The following TSC2 variants were observed in gnomAD, a reference collection of about 807,000 sequenced individuals.
TSC2 encodes the protein TSC complex subunit 2, also known as tuberin.
A neutral mutation model predicts 202.2 loss-of-function variants in TSC2; 29 were observed. The ratio of observed to expected loss-of-function variants is 0.14; its 90% CI spans 0.11 to 0.20. TSC2 has a LOEUF of 0.20. TSC2 is among the 10% of genes least tolerant of loss of function. The pLI is 1.00. For missense variants in TSC2, 2,429 were observed against 2,420.0 expected, an observed-to-expected ratio of 1.00 and a Z score of -0.08; for synonymous variants, 1,349 against 1,044.0, an observed-to-expected ratio of 1.29 and a Z score of -5.63.
intron 25 of TSC2, 134 bp from the exon 26 acceptor site, chr16:2,077,463 TC>T (rs2089550812): frequency 7.4e-7 from 1 of 1,343,954 alleles, no homozygotes; most frequent in African/African-American, 1.4e-5. Context: ...CTCTTTTTGC[TC>T]ATCTCACCCG....
At position 2,088,685 on chromosome 16, in the gene TSC2, G is replaced by A. The variant is rs1270723400; in HGVS notation, c.*75G>A. 5 of 1,521,234 alleles carry A rather than the reference G, an allele frequency of 3.3e-6. No homozygotes were observed. The highest frequency in any genetic ancestry group is 1.7e-4 in the Middle Eastern group (1 of 5,896). The allele number at this position is 1,521,234 out of a possible 1,614,324, so 94.2% of individuals were successfully genotyped here. A position where few individuals can be genotyped will look rare whatever the true frequency, so the allele number is the denominator to read the frequency against. ...TGAAATAAATAAAGTCCTGACCCCA[G>A]TGCACAGACATAGAGGCACAGATTG... On this transcript the variant is annotated 3_prime_UTR_variant, in exon 42 of 42. Transcript: ENST00000219476.
At chr16:2,048,116 C>G in intron 1 of TSC2, 51 bp downstream of exon 1, 1 of 1,490,528 alleles carries the variant, frequency 6.7e-7, no homozygotes, top group Non-Finnish European at 8.9e-7. Flanking sequence ...GGGCAGCGGC[C>G]TAGAGAGGCG....
intron 34 of TSC2, 40 bp downstream of exon 34, chr16:2,084,755 C>T (rs771538426): frequency 3.8e-6 from 6 of 1,598,236 alleles, no homozygotes; most frequent in South Asian, 2.2e-5. Flanking sequence ...TGACACCTCT[C>T]CTGCGGGAAC....
At chr16:2,059,014 G>A in intron 10 of TSC2, 141 bp downstream of exon 10, 1 of 1,389,894 alleles carries the variant, frequency 7.2e-7, no homozygotes, top group Non-Finnish European at 9.8e-7. Flanking sequence ...TTGCAGCTGG[G>A]GGTGAGGTTT....
intron 16 of TSC2, among the ~76,000 whole-genome samples, chr16:2,065,884 G>A (rs996066312): frequency 1.3e-5 from 2 of 152,216 alleles, no homozygotes; most frequent in African/African-American, 4.8e-5. Context: ...CCGGAACCAT[G>A]TACCATCCTC....
rs751990617 is a variant in TSC2, at chr16:2,088,266, G to C, written c.5200G>C (p.Asp1734His). 6.2e-7 allele frequency: 1 copy of C among 1,612,964 alleles called. No individual in the cohort carries two copies. The highest frequency in any genetic ancestry group is 8.5e-7 in the Non-Finnish European group (1 of 1,180,002). Residue 1734 changes from aspartate (D) to histidine (H), a missense_variant, in exon 41 of 42, where the codon GAT (aspartate) becomes CAT (histidine). Coordinates refer to ENST00000219476, the MANE Select transcript of TSC2 (RefSeq NM_000548.5). ...QVHHSRSNPT[D>H]IYPSKWIARL... ...GCATCATAGCCGCTCCAACCCCACC[G>C]ATATCTACCCCTCCAAGTGGATTGC...
rs2151395350 is a variant in TSC2, at chr16:2,076,541, C to T, written c.2793C>T (p.Asp931=). The T allele has an allele frequency of 1.9e-6, 3 of 1,613,526 alleles. No homozygotes were observed. Among genetic ancestry groups the T allele is most frequent in the Non-Finnish European group, 2.5e-6 (3 of 1,179,984 alleles). The stretch of plus-strand genomic sequence containing the variant: ...CTTTTGATGACACCCCCGAGAAGGA[C>T]AGCTTCAGGGCCCGGAGTACTAGTC... The part of the protein sequence containing the change: ...LLSFDDTPEK[D]SFRARSTSLN... The change falls in exon 25 of 42, where the codon GAC becomes GAT. Residue 931 remains aspartate, a synonymous_variant. Coordinates refer to ENST00000219476, the MANE Select transcript of TSC2 (RefSeq NM_000548.5).
chr16:2,056,141 G>A, intron 6 of TSC2, 55 bp from the exon 7 acceptor site: 1 of 1,609,386 alleles, frequency 6.2e-7, no homozygotes, highest in Non-Finnish European at 8.5e-7. Flanking sequence ...CACAGCCCGT[G>A]GTGGCTCGGC....
At chr16:2,081,477 G>A (rs2090134958) in intron 30 of TSC2, 118 bp from the exon 31 acceptor site, 7 of 1,298,700 alleles carry the variant, frequency 5.4e-6, no homozygotes, top group Admixed American at 1.7e-5. Context: ...GTGGTCCTGA[G>A]GATTGTGGGA....
Position 2,089,465 on chromosome 16 carries a change from ATAAAT to A in TSC2, c.*858_*862del. On this transcript the variant is annotated 3_prime_UTR_variant, in exon 42 of 42. Transcript: ENST00000219476. ...CCGCTGTACCTGAGGACTCGGGGAA[ATAAAT>A]TAGCATCTCAGAGGCTAGAAACCGT... 1 of 543,292 alleles carries A rather than the reference ATAAAT, an allele frequency of 1.8e-6. No homozygotes were observed. Among genetic ancestry groups the A allele is most frequent in the Non-Finnish European group, 3.3e-6 (1 of 303,672 alleles). 33.7% of individuals were successfully genotyped at this position (543,292 alleles called of 1,614,324 possible). A position where few individuals can be genotyped will look rare whatever the true frequency, so the allele number is the denominator to read the frequency against.
rs878854111 is a variant in TSC2, at chr16:2,086,352, T to A, written c.4822T>A (p.Tyr1608Asn). The change falls in exon 37 of 42, where the codon TAC (tyrosine) becomes AAC (asparagine). Residue 1608 changes from tyrosine (Y) to asparagine (N), a missense_variant. By Grantham distance (143) the Tyr-to-Asn change is moderately radical. Coordinates refer to ENST00000219476, the MANE Select transcript of TSC2 (RefSeq NM_000548.5). The part of the protein sequence containing the change: ...DVCGEDGQFT[Y>N]CWHDDIMQAV... ...GTGTGGTGAGGACGGCCAGTTCACC[T>A]ACTGCTGGCACGATGACATCATGCA... is the stretch of plus-strand genomic sequence containing the variant. 2 of 1,612,822 alleles carry A rather than the reference T, an allele frequency of 1.2e-6. No homozygotes were observed. Among genetic ancestry groups the A allele is most frequent in the Non-Finnish European group, 1.7e-6 (2 of 1,179,902 alleles).
At chr16:2,059,238 G>A (rs748599902) in intron 10 of TSC2, among the ~76,000 whole-genome samples, 13 of 150,770 alleles carry the variant, frequency 8.6e-5, no homozygotes, top group Non-Finnish European at 1.5e-4. Context: ...GGCTGGTCTC[G>A]AATTCCTGAC....
At chr16:2,069,052 A>G (rs752467640) in intron 16 of TSC2, among the ~76,000 whole-genome samples, 1 of 152,040 alleles carries the variant, frequency 6.6e-6, no homozygotes, top group Non-Finnish European at 1.5e-5. Context: ...GAAAATTGGC[A>G]TGTAAGTGAC....
At chr16:2,068,279 A>G (rs2087684746) in intron 16 of TSC2, among the ~76,000 whole-genome samples, 1 of 152,078 alleles carries the variant, frequency 6.6e-6, no homozygotes, top group Non-Finnish European at 1.5e-5. Context: ...ACCTCAAGTG[A>G]TCCACCCACC....
chr16:2,077,298 G>A (rs2089528926), intron 25 of TSC2: 1 of 419,730 alleles, frequency 2.4e-6, no homozygotes, highest in Non-Finnish European at 4.5e-6. Flanking sequence ...CCTGGAATCT[G>A]CCGTGGGGGT....
chr16:2,070,600 A>T, intron 17 of TSC2, 22 bp downstream of exon 17: 7 of 1,612,778 alleles, frequency 4.3e-6, no homozygotes, highest in Non-Finnish European at 5.9e-6. Context: ...GGGGTTGCGC[A>T]GCCAGTTCCT....
At chr16:2,054,978 C>T in intron 5 of TSC2, 1 of 344,356 alleles carries the variant, frequency 2.9e-6, no homozygotes, top group Non-Finnish European at 5.6e-6. Flanking sequence ...CAGGTGCCGG[C>T]CAGGTGCCTA....
Position 2,081,803 on chromosome 16 carries a change from G to A in TSC2, c.3814+5G>A, listed in dbSNP as rs1555512582. ...CTCTGCCTCGCTCCAACACAGGTGA[G>A]TGGCATGGCGGGCCTTGGCACGGGC... On this transcript the variant is annotated splice_donor_5th_base_variant and intron_variant, in intron 31 of 41. Transcript: ENST00000219476. 2.5e-6 allele frequency: 4 copies of A among 1,611,898 alleles called. No homozygotes were observed. Among genetic ancestry groups the A allele is most frequent in the African/African-American group, 1.3e-5 (1 of 75,038 alleles).
Position 2,072,077 on chromosome 16 carries a change from C to G in TSC2, c.2097+143C>G. 3.4e-6 allele frequency: 5 copies of G among 1,486,034 alleles called. 1 individual carries two copies. In the South Asian group the frequency reaches 5.1e-5, roughly 15 times the overall value. 92.1% of individuals were successfully genotyped at this position (1,486,034 alleles called of 1,614,324 possible). On this transcript the variant is annotated intron_variant, in intron 19 of 41. Coordinates refer to ENST00000219476, the MANE Select transcript of TSC2 (RefSeq NM_000548.5). ...AGCTGAGCCTTCCCCCTTCCCCGAG[C>G]AGCTGCAGGGACAGAGGCCTGCGCT...
Sources: allele counts gnomAD v4.1 joint callset (sites outside exome capture counted in the v4.1 genomes callset), GRCh38; gene constraint gnomAD v4.1.1; transcripts MANE v1.5; gene names NCBI Gene and HGNC (gene_info 2026-07-23, HGNC 2026-07-21).